The following RSPH14 variants were observed in gnomAD, a reference collection of about 807,000 sequenced individuals.
RSPH14 encodes the protein rhabdoid tumor deletion region gene 1.
A neutral mutation model predicts 26.7 loss-of-function variants in RSPH14; 20 were observed. The ratio of observed to expected loss-of-function variants is 0.75; its 90% CI spans 0.53 to 1.09. RSPH14 has a LOEUF of 1.09. Among genes scored for constraint, RSPH14 ranks in the 50% least tolerant of loss-of-function variants. RSPH14 has a pLI of 0.00. For synonymous variants in RSPH14, 177 were observed against 189.3 expected (o/e 0.93, Z 0.53); for missense variants, 449 against 457.2 (o/e 0.98, Z 0.16).
At chr22:23,149,997 G>A, upstream of RSPH14, 1 of 1,298,008 alleles carries the variant, frequency 7.7e-7, no homozygotes, top group Non-Finnish European at 1.1e-6. Context: ...TCCCCTCACT[G>A]CTTGGCTACG....
At chr22:23,069,019 C>G (rs1017898510) in intron 4 of RSPH14, among the ~76,000 whole-genome samples, 1 of 152,224 alleles carries the variant, frequency 6.6e-6, no homozygotes, top group African/African-American at 2.4e-5. Context: ...CTGTTCCTGA[C>G]AGTTGAGGCA....
chr22:23,098,938 A>G (rs1211835852), intron 4 of RSPH14, among the ~76,000 whole-genome samples: 3 of 152,188 alleles, frequency 2.0e-5, no homozygotes, highest in Non-Finnish European at 2.9e-5. Context: ...AACGTGCTGA[A>G]CTGTCCTCCC....
chr22:23,094,158 C>G (rs79793927), intron 4 of RSPH14, among the ~76,000 whole-genome samples: 5,181 of 152,210 alleles, frequency 0.034, 303 homozygotes, highest in African/African-American at 0.12. Flanking sequence ...GGGGCGAATG[C>G]TGCCTGTGGC....
At chr22:23,130,510 A>AAGAAAGAAAGAAAGAAAGAAAG in intron 4 of RSPH14, among the ~76,000 whole-genome samples, 1 of 150,952 alleles carries the variant, frequency 6.6e-6, no homozygotes, top group African/African-American at 2.4e-5. Flanking sequence ...GAAAGAAAGA[A>AAGAAAGAAAGAAAGAAAGAAAG]AGAAAGAAAG....
At chr22:23,180,590 GCA>G in the RSPH14 span, 10,088 of 48,938 alleles carry the variant, frequency 0.21, 385 homozygotes, top group African/African-American at 0.47. Flanking sequence ...GGCGGCGGCG[GCA>G]CGGCGGCGGC....
the RSPH14 span, among the ~76,000 whole-genome samples, chr22:23,150,394 C>T: frequency 2.6e-5 from 4 of 151,568 alleles, no homozygotes; most frequent in Non-Finnish European, 4.4e-5. Context: ...CTCTGCCTCC[C>T]GGGTTCATGC....
chr22:23,142,409 TC>T (rs2070620961), upstream of RSPH14, among the ~76,000 whole-genome samples: 1 of 151,966 alleles, frequency 6.6e-6, no homozygotes, highest in Admixed American at 6.6e-5. Context: ...TCCGCTCCAC[TC>T]CGCGCCACCG....
chr22:23,113,072 C>G (rs902016726), intron 4 of RSPH14, among the ~76,000 whole-genome samples: 1 of 152,188 alleles, frequency 6.6e-6, no homozygotes, highest in African/African-American at 2.4e-5. Flanking sequence ...GGGCTCACCT[C>G]CAGGCTAGCA....
At chr22:23,116,673 C>T (rs1193508638) in intron 4 of RSPH14, among the ~76,000 whole-genome samples, 1 of 152,184 alleles carries the variant, frequency 6.6e-6, no homozygotes, top group Admixed American at 6.5e-5. Context: ...GAGGTCAGAA[C>T]GTGTGAGGCC....
At chr22:23,166,810 C>G in the RSPH14 span, among the ~76,000 whole-genome samples, 1 of 152,196 alleles carries the variant, frequency 6.6e-6, no homozygotes, top group African/African-American at 2.4e-5. Context: ...CACCCACCAC[C>G]CACTGGAACC....
upstream of RSPH14, chr22:23,145,835 C>A: frequency 2.6e-6 from 1 of 381,692 alleles, no homozygotes; most frequent in Non-Finnish European, 3.6e-6. Flanking sequence ...AAAAAGGAGA[C>A]AGAGGGGCTG....
intron 4 of RSPH14, among the ~76,000 whole-genome samples, chr22:23,132,155 G>A (rs987594368): frequency 5.9e-5 from 9 of 152,190 alleles, no homozygotes; most frequent in African/African-American, 2.2e-4. Flanking sequence ...CTCTGAGGCA[G>A]GTACTTTAGA....
At chr22:23,166,177 AGG>A in the RSPH14 span, among the ~76,000 whole-genome samples, 7 of 124,964 alleles carry the variant, frequency 5.6e-5, no homozygotes, top group Non-Finnish European at 8.6e-5. Flanking sequence ...AAAAAAAAAA[AGG>A]AGTGTTTCCA....
chr22:23,114,066 T>TG, intron 4 of RSPH14, among the ~76,000 whole-genome samples: 1 of 152,230 alleles, frequency 6.6e-6, no homozygotes, highest in South Asian at 2.1e-4. Flanking sequence ...ATGAAGCTCA[T>TG]CTCTGTATGA....
chr22:23,112,308 C>T (rs1394485785), intron 4 of RSPH14, among the ~76,000 whole-genome samples: 1 of 152,222 alleles, frequency 6.6e-6, no homozygotes, highest in Non-Finnish European at 1.5e-5. Context: ...CCTTCGGCCC[C>T]GCCCCAAGCA....
chr22:23,113,670 A>G (rs561181570), intron 4 of RSPH14, among the ~76,000 whole-genome samples: 1 of 152,106 alleles, frequency 6.6e-6, no homozygotes, highest in Admixed American at 6.5e-5. Context: ...AGGCCCCTCC[A>G]CTCGGTACAC....
At chr22:23,176,621 C>T in the RSPH14 span, among the ~76,000 whole-genome samples, 33 of 152,324 alleles carry the variant, frequency 2.2e-4, no homozygotes, top group Non-Finnish European at 7.3e-5. Context: ...ATCCCTCATT[C>T]CCCACACCCA....
the RSPH14 span, chr22:23,163,139 G>C: frequency 5.7e-6 from 1 of 176,162 alleles, no homozygotes; most frequent in African/African-American, 2.4e-5. Flanking sequence ...TCGGACTCCT[G>C]ATCTCAGGTG....
chr22:23,103,957 G>A (rs1331234315), intron 4 of RSPH14, among the ~76,000 whole-genome samples: 2 of 152,224 alleles, frequency 1.3e-5, no homozygotes, highest in Non-Finnish European at 2.9e-5. Flanking sequence ...TCTAGGTGCA[G>A]AGAAGCCAGG....
Sources: gnomAD v4.1 joint callset for allele counts (sites outside exome capture counted in the v4.1 genomes callset) on GRCh38, gnomAD v4.1.1 for gene constraint, MANE v1.5 for transcripts, NCBI Gene and HGNC (gene_info 2026-07-23, HGNC 2026-07-21) for gene names.